CCSER1: variants seen among roughly 807,000 people sequenced by gnomAD.
The protein encoded by CCSER1 is serine-rich coiled-coil domain-containing protein 1.
In CCSER1, 41 loss-of-function variants were observed where a neutral mutation model predicts 82.0. That is an observed-to-expected ratio of 0.50 (90% CI 0.39 to 0.65). The LOEUF (loss-of-function observed/expected upper bound fraction) is 0.65. CCSER1 is among the 30% of genes least tolerant of loss of function. The probability of loss-of-function intolerance (pLI) is 0.00; values close to 1 mark genes in which losing one functional copy is unlikely to be tolerated. For synonymous variants in CCSER1, 414 were observed against 383.9 expected, an observed-to-expected ratio of 1.08 and a Z score of -0.92; for missense variants, 1,119 against 1,064.2, an observed-to-expected ratio of 1.05 and a Z score of -0.72.
chr4:90,897,750 A>G (rs1222052415), intron 8 of CCSER1, among the ~76,000 whole-genome samples: 3 of 152,230 alleles, frequency 2.0e-5, no homozygotes, highest in East Asian at 1.9e-4. Context: ...TGAACAGTAT[A>G]TAAGTATTCC....
chr4:90,833,505 T>G (rs1561215903), intron 8 of CCSER1, among the ~76,000 whole-genome samples: 1 of 152,148 alleles, frequency 6.6e-6, no homozygotes, highest in East Asian at 1.9e-4. Flanking sequence ...CTATTCCTTG[T>G]GTGTTTCTTT....
At chr4:90,975,602 A>C (rs1397346134) in intron 9 of CCSER1, among the ~76,000 whole-genome samples, 1 of 151,242 alleles carries the variant, frequency 6.6e-6, no homozygotes, top group African/African-American at 2.4e-5. Context: ...TAATTTGCTC[A>C]CTAGTTACTG....
chr4:90,868,873 G>C (rs1273465934), intron 8 of CCSER1, among the ~76,000 whole-genome samples: 3 of 151,842 alleles, frequency 2.0e-5, no homozygotes, highest in Non-Finnish European at 4.4e-5. Flanking sequence ...ATTTGTTATT[G>C]CCTGTCTTTT....
intron 10 of CCSER1, among the ~76,000 whole-genome samples, chr4:91,544,599 C>T (rs1043864044): frequency 6.6e-6 from 1 of 152,154 alleles, no homozygotes; most frequent in African/African-American, 2.4e-5. Flanking sequence ...TTTGCCTGGG[C>T]ATCACCAGTG....
At chr4:90,748,333 A>T (rs1294024968) in intron 7 of CCSER1, among the ~76,000 whole-genome samples, 3 of 151,066 alleles carry the variant, frequency 2.0e-5, no homozygotes, top group Non-Finnish European at 4.4e-5. Context: ...GATGATTTCC[A>T]GTTTCATCCA....
intron 9 of CCSER1, among the ~76,000 whole-genome samples, chr4:90,965,728 T>C (rs1479444705): frequency 6.6e-6 from 1 of 151,896 alleles, no homozygotes; most frequent in Admixed American, 6.6e-5. Context: ...TTCTACATTA[T>C]ATGAAAATGT....
chr4:90,131,454 C>T (rs987424533), intron 1 of CCSER1, among the ~76,000 whole-genome samples: 5 of 152,192 alleles, frequency 3.3e-5, no homozygotes, highest in African/African-American at 7.2e-5. Flanking sequence ...GAGGTGTTTT[C>T]GGTATTTCCC....
At chr4:91,576,626 C>T (rs747841945) in intron 10 of CCSER1, among the ~76,000 whole-genome samples, 1 of 151,956 alleles carries the variant, frequency 6.6e-6, no homozygotes, top group Non-Finnish European at 1.5e-5. Flanking sequence ...TTTGCATATA[C>T]ATAATGATAT....
intron 1 of CCSER1, among the ~76,000 whole-genome samples, chr4:90,274,650 A>G (rs1021787620): frequency 1.3e-5 from 2 of 152,072 alleles, no homozygotes; most frequent in Non-Finnish European, 2.9e-5. Flanking sequence ...TATATTTTTT[A>G]TACCTTACTT....
At chr4:90,735,255 G>T (rs1745456056) in intron 7 of CCSER1, among the ~76,000 whole-genome samples, 3 of 152,084 alleles carry the variant, frequency 2.0e-5, no homozygotes, top group Admixed American at 2.0e-4. Flanking sequence ...TTGCATCAAT[G>T]TTCATGAGGG....
intron 9 of CCSER1, among the ~76,000 whole-genome samples, chr4:91,018,722 A>T (rs535587314): frequency 6.6e-6 from 1 of 152,044 alleles, no homozygotes; most frequent in South Asian, 2.1e-4. Flanking sequence ...GTCCTTTCTC[A>T]TGCTGAACCC....
chr4:91,432,950 T>C (rs1418082160), intron 10 of CCSER1, among the ~76,000 whole-genome samples: 3 of 152,150 alleles, frequency 2.0e-5, no homozygotes, highest in African/African-American at 7.2e-5. Context: ...CGAGTATGTA[T>C]GAGGTACTAT....
In CCSER1 at chr4:91,036,425, A is replaced by C. The variant is rs534745726; in HGVS notation, c.2173-49525A>C. Among the ~76,000 whole-genome samples, 33 of 152,136 alleles carry C rather than the reference A, an allele frequency of 2.2e-4. No individual in the cohort carries two copies. In the South Asian group the frequency reaches 6.7e-3, roughly 31 times the overall value. On this transcript the variant is annotated intron_variant, in intron 9 of 10. Coordinates refer to ENST00000509176, the MANE Select transcript of CCSER1 (RefSeq NM_001145065.2). ...TGCTCAATATCTTAAAGATATATTA[A>C]AGTCAATGTGTCCAAAGTAGAACTC...
chr4:91,126,300 AAC>A (rs1193709400), intron 10 of CCSER1, among the ~76,000 whole-genome samples: 1 of 151,884 alleles, frequency 6.6e-6, no homozygotes, highest in African/African-American at 2.4e-5. Context: ...TAGAAGAGGA[AAC>A]ACAACCATAA....
intron 10 of CCSER1, among the ~76,000 whole-genome samples, chr4:91,397,624 G>A (rs1053110865): frequency 2.6e-5 from 4 of 151,902 alleles, no homozygotes; most frequent in Non-Finnish European, 4.4e-5. Flanking sequence ...GAATTCCTAG[G>A]TGATGAGAAA....
intron 8 of CCSER1, among the ~76,000 whole-genome samples, chr4:90,857,124 T>G (rs1764550714): frequency 6.6e-6 from 1 of 152,078 alleles, no homozygotes; most frequent in Admixed American, 6.6e-5. Context: ...TATCCTAAAT[T>G]ACAAAATTTA....
At chr4:91,392,365 A>ACACACGCACACACACG (rs980625631) in intron 10 of CCSER1, among the ~76,000 whole-genome samples, 1 of 148,916 alleles carries the variant, frequency 6.7e-6, no homozygotes, top group South Asian at 2.1e-4. Context: ...CTACACATGC[A>ACACACGCACACACACG]CACACACACA....
At chr4:90,952,863 C>G (rs1407263469) in intron 9 of CCSER1, among the ~76,000 whole-genome samples, 1 of 151,966 alleles carries the variant, frequency 6.6e-6, no homozygotes, top group East Asian at 1.9e-4. Flanking sequence ...GATTCTATTT[C>G]CTGTATTCTA....
chr4:91,585,129 T>C (rs1349327069), intron 10 of CCSER1, among the ~76,000 whole-genome samples: 1 of 151,522 alleles, frequency 6.6e-6, no homozygotes, highest in Admixed American at 6.6e-5. Flanking sequence ...ATTTTCTTGA[T>C]CCATTTATTT....
Sources: allele counts gnomAD v4.1 joint callset (sites outside exome capture counted in the v4.1 genomes callset), GRCh38; gene constraint gnomAD v4.1.1; transcripts MANE v1.5; gene names NCBI Gene and HGNC (gene_info 2026-07-23, HGNC 2026-07-21).